The following ACER2 variants were observed in gnomAD, a reference collection of about 807,000 sequenced individuals.
The protein encoded by ACER2 is alkaline ceramidase 2.
Under a neutral mutation model 34.7 loss-of-function variants are expected in ACER2, and 26 were observed. The ratio of observed to expected loss-of-function variants is 0.75; its 90% CI spans 0.55 to 1.04. ACER2 has a LOEUF of 1.04. Among genes scored for constraint, ACER2 ranks in the 50% least tolerant of loss-of-function variants. The probability of loss-of-function intolerance (pLI) is 0.00; values close to 1 mark genes in which losing one functional copy is unlikely to be tolerated. For synonymous variants in ACER2, 138 were observed against 132.1 expected, an observed-to-expected ratio of 1.04 and a Z score of -0.31; for missense variants, 352 against 340.8, an observed-to-expected ratio of 1.03 and a Z score of -0.26.
intron 4 of ACER2, among the ~76,000 whole-genome samples, chr9:19,437,263 C>T (rs1431268520): frequency 1.3e-5 from 2 of 152,202 alleles, no homozygotes; most frequent in South Asian, 2.1e-4. Flanking sequence ...TGTTTGCCTA[C>T]GATTTCCCTC....
In ACER2 at chr9:19,432,655, C is replaced by T. The variant is rs1361094974; in HGVS notation, c.366-2292C>T. On this transcript the variant is annotated intron_variant, in intron 3 of 5. Transcript: ENST00000340967. Reference sequence around the variant, plus strand: ...TTATTAATGCACATATTTAATTATACTTATAACCATATAGTTATGCTATAT... The same window carrying T: ...TTATTAATGCACATATTTAATTATATTTATAACCATATAGTTATGCTATAT... Among the ~76,000 whole-genome samples the T allele has an allele frequency of 2.0e-5, 3 of 147,420 alleles. No homozygotes were observed. In the East Asian group the frequency reaches 5.9e-4, roughly 29 times the overall value.
At position 19,451,359 on chromosome 9, in the gene ACER2, AC is replaced by A. The variant is rs1164321117; in HGVS notation, c.*724del. The A allele has an allele frequency of 3.9e-5, 6 of 152,640 alleles. No homozygotes were observed. The highest frequency in any genetic ancestry group is 8.8e-5 in the Non-Finnish European group (6 of 68,040). The allele number at this position is 152,640 out of a possible 1,614,324, so 9.5% of individuals were successfully genotyped here. A position where few individuals can be genotyped will look rare whatever the true frequency, so the allele number is the denominator to read the frequency against. ...CCTTAAACAAAACCAAACAGATGAA[AC>A]ACACACAGGACTTGTGGCTAAAAAG... On this transcript the variant is annotated 3_prime_UTR_variant, in exon 6 of 6. Transcript: ENST00000340967.
At position 19,426,582 on chromosome 9, in the gene ACER2, T is replaced by C. The variant is rs1386970986; in HGVS notation, c.365+1741T>C. Reference sequence around the variant, plus strand: ...TGAAGAAATGGGAATAAACGTTTTGTGTATTTGTTTGTGACATTCTTGAGG... The same window carrying C: ...TGAAGAAATGGGAATAAACGTTTTGCGTATTTGTTTGTGACATTCTTGAGG... On this transcript the variant is annotated intron_variant, in intron 3 of 5. Transcript: ENST00000340967. Among the ~76,000 whole-genome samples, 3 of 152,282 alleles carry C rather than the reference T, an allele frequency of 2.0e-5. No homozygotes were observed. In the East Asian group the frequency reaches 5.8e-4, roughly 29 times the overall value.
At chr9:19,438,246 T>C (rs147587434) in intron 4 of ACER2, among the ~76,000 whole-genome samples, 388 of 152,368 alleles carry the variant, frequency 2.5e-3, no homozygotes, top group African/African-American at 8.9e-3. Context: ...AAGGATTAAA[T>C]AAGATATTTA....
At chr9:19,443,427 G>T (rs12339706) in intron 4 of ACER2, among the ~76,000 whole-genome samples, 2 of 152,072 alleles carry the variant, frequency 1.3e-5, no homozygotes, top group African/African-American at 4.8e-5. Flanking sequence ...TGGCCTCCAA[G>T]AGTGTTGGGA....
At chr9:19,419,492 A>G (rs558584577) in intron 1 of ACER2, among the ~76,000 whole-genome samples, 1 of 152,298 alleles carries the variant, frequency 6.6e-6, no homozygotes, top group Non-Finnish European at 1.5e-5. Flanking sequence ...AAGGCTGAGC[A>G]TGGGAGCTCA....
At chr9:19,449,851 C>T (rs1305251899) in intron 5 of ACER2, among the ~76,000 whole-genome samples, 1 of 148,360 alleles carries the variant, frequency 6.7e-6, no homozygotes, top group Non-Finnish European at 1.5e-5. Flanking sequence ...GAGATTGCAC[C>T]ATTGCACTCC....
intron 1 of ACER2, among the ~76,000 whole-genome samples, chr9:19,422,824 G>A (rs1383989296): frequency 2.0e-5 from 3 of 152,060 alleles, no homozygotes; most frequent in Admixed American, 1.3e-4. Context: ...CTGAGGTCAG[G>A]AGTTTGAGAC....
intron 3 of ACER2, among the ~76,000 whole-genome samples, chr9:19,430,166 A>G (rs1387510430): frequency 6.7e-6 from 1 of 148,356 alleles, no homozygotes; most frequent in East Asian, 2.2e-4. Context: ...GTGGTTTTCA[A>G]GTCTGAAAAC....
chr9:19,425,010 C>G (rs1466300173), intron 3 of ACER2, among the ~76,000 whole-genome samples, 169 bp downstream of exon 3: 1 of 152,118 alleles, frequency 6.6e-6, no homozygotes, highest in Non-Finnish European at 1.5e-5. Flanking sequence ...TATAAGTAAA[C>G]TGACAGATTA....
chr9:19,442,003 A>G (rs1218587212), intron 4 of ACER2, among the ~76,000 whole-genome samples: 3 of 152,134 alleles, frequency 2.0e-5, no homozygotes, highest in Non-Finnish European at 4.4e-5. Flanking sequence ...CTTTATTCCT[A>G]AAGCTTGTTT....
chr9:19,446,039 A>G, intron 4 of ACER2: 2 of 679,074 alleles, frequency 2.9e-6, no homozygotes, highest in Non-Finnish European at 5.4e-6. Flanking sequence ...TCAAAAATGT[A>G]GTTGGGTGTA....
chr9:19,442,671 T>C (rs1258142536), intron 4 of ACER2, among the ~76,000 whole-genome samples: 1 of 152,256 alleles, frequency 6.6e-6, no homozygotes, highest in East Asian at 1.9e-4. Flanking sequence ...TTTCTAGGTT[T>C]AATTTCACTG....
intron 5 of ACER2, 52 bp downstream of exon 5, chr9:19,446,470 CTG>C (rs1663314843): frequency 6.2e-7 from 1 of 1,609,864 alleles, no homozygotes. Context: ...TTTGCACTTG[CTG>C]TTGGGCTCTG....
chr9:19,433,532 G>A (rs530662726), intron 3 of ACER2, among the ~76,000 whole-genome samples: 1 of 152,000 alleles, frequency 6.6e-6, no homozygotes, highest in African/African-American at 2.4e-5. Flanking sequence ...AGAACAAAAT[G>A]AAAAGTCTCC....
chr9:19,410,508 G>A (rs1308303377), intron 1 of ACER2, among the ~76,000 whole-genome samples: 1 of 152,150 alleles, frequency 6.6e-6, no homozygotes, highest in African/African-American at 2.4e-5. Flanking sequence ...CCAGGAGTTC[G>A]AGACCAACCT....
At chr9:19,417,922 AC>A (rs1234605352) in intron 1 of ACER2, among the ~76,000 whole-genome samples, 2 of 152,228 alleles carry the variant, frequency 1.3e-5, no homozygotes, top group Admixed American at 6.5e-5. Flanking sequence ...TGAACAGTTA[AC>A]CTACAGAATA....
At chr9:19,427,317 T>C (rs1453052696) in intron 3 of ACER2, among the ~76,000 whole-genome samples, 1 of 152,202 alleles carries the variant, frequency 6.6e-6, no homozygotes, top group Non-Finnish European at 1.5e-5. Flanking sequence ...ATAATGTACA[T>C]TGACAATTTT....
rs199667106 is a variant in ACER2, at chr9:19,409,753, G to GT, written c.108+570dup. Reference sequence around the variant, plus strand: ...GTCAGAATCAAGTTAATTACTACTTGTTTTTTTTTCTTGCCTTTAGTGTCC... The same window carrying GT: ...GTCAGAATCAAGTTAATTACTACTTGTTTTTTTTTTCTTGCCTTTAGTGTCC... On this transcript the variant is annotated intron_variant, in intron 1 of 5. Transcript: ENST00000340967. 2.0e-3 allele frequency: 1,901 copies of GT among 944,698 alleles called. 10 individuals are homozygous for GT. In the South Asian group the frequency reaches 0.026, roughly 13 times the overall value. The allele number at this position is 944,698 out of a possible 1,614,324, so 58.5% of individuals were successfully genotyped here.
Sources: gnomAD v4.1 joint callset for allele counts (sites outside exome capture counted in the v4.1 genomes callset) on GRCh38, gnomAD v4.1.1 for gene constraint, MANE v1.5 for transcripts, NCBI Gene and HGNC (gene_info 2026-07-23, HGNC 2026-07-21) for gene names.